Variants in ATP10B observed in about 807,000 individuals in gnomAD.
ATP10B encodes the protein ATPase phospholipid transporting 10B (putative), also known as phospholipid-transporting ATPase VB.
Under a neutral mutation model 141.2 loss-of-function variants are expected in ATP10B, and 122 were observed. The observed-to-expected ratio is 0.86, with a 90% CI of 0.75 to 1.00. The LOEUF (loss-of-function observed/expected upper bound fraction) is 1.00. Among genes scored for constraint, ATP10B ranks in the 50% least tolerant of loss-of-function variants. The pLI, the probability that ATP10B is intolerant of heterozygous loss-of-function variation, is 0.00. For synonymous variants in ATP10B, 685 were observed against 692.0 expected (o/e 0.99, Z 0.16); for missense variants, 1,876 against 1,825.3 (o/e 1.03, Z -0.51).
chr5:160,611,268 G>A (rs2127637439), intron 18 of ATP10B, among the ~76,000 whole-genome samples: 1 of 152,254 alleles, frequency 6.6e-6, no homozygotes, highest in South Asian at 2.1e-4. Context: ...TAACCAATGA[G>A]CAGGAGTGCA....
intron 7 of ATP10B, among the ~76,000 whole-genome samples, chr5:160,649,534 T>C (rs1478994502): frequency 6.6e-6 from 1 of 152,228 alleles, no homozygotes; most frequent in Non-Finnish European, 1.5e-5. Flanking sequence ...CCAGATCTAA[T>C]AGAACTTACT....
the ATP10B span, among the ~76,000 whole-genome samples, chr5:160,868,842 T>C: frequency 1.3e-5 from 2 of 152,256 alleles, no homozygotes; most frequent in East Asian, 3.9e-4. Flanking sequence ...GGGTCCTCAG[T>C]AGTGGACAAA....
intron 10 of ATP10B, among the ~76,000 whole-genome samples, chr5:160,640,058 A>T (rs2127673762): frequency 6.6e-6 from 1 of 152,112 alleles, no homozygotes; most frequent in Admixed American, 6.5e-5. Flanking sequence ...GGGGTTTGAG[A>T]CTCCTGCCTT....
intron 2 of ATP10B, among the ~76,000 whole-genome samples, chr5:160,759,345 A>G (rs1406100736): frequency 1.3e-5 from 2 of 152,234 alleles, no homozygotes; most frequent in Non-Finnish European, 2.9e-5. Flanking sequence ...TTGAATAACA[A>G]TTTAGTCCTT....
intron 20 of ATP10B, chr5:160,603,662 A>G (rs1757222422): frequency 5.4e-6 from 2 of 371,084 alleles, no homozygotes; most frequent in African/African-American, 4.0e-5. Flanking sequence ...AAGCAGTGCC[A>G]AATGTTTACA....
At chr5:160,606,500 G>A (rs910310528) in intron 19 of ATP10B, among the ~76,000 whole-genome samples, 1 of 152,180 alleles carries the variant, frequency 6.6e-6, no homozygotes, top group East Asian at 1.9e-4. Flanking sequence ...TGGATTCACT[G>A]AATTCAAGGC....
chr5:160,608,684 T>C (rs1239333928), intron 18 of ATP10B, among the ~76,000 whole-genome samples: 1 of 152,238 alleles, frequency 6.6e-6, no homozygotes, highest in East Asian at 1.9e-4. Flanking sequence ...TGGCCAGTGA[T>C]GATGAGCATT....
the ATP10B span, among the ~76,000 whole-genome samples, chr5:160,900,160 A>AGCCT: frequency 2.3e-4 from 35 of 152,156 alleles, no homozygotes; most frequent in African/African-American, 8.4e-4. Flanking sequence ...TCCATCTCCC[A>AGCCT]GCCTTCCCCC....
intron 2 of ATP10B, among the ~76,000 whole-genome samples, chr5:160,770,988 C>T (rs975815431): frequency 6.6e-6 from 1 of 152,168 alleles, no homozygotes; most frequent in Admixed American, 6.5e-5. Context: ...TCTCACCACC[C>T]TCAAAAGTGA....
intron 17 of ATP10B, 146 bp from the exon 18 acceptor site, chr5:160,613,071 T>C: frequency 1.4e-6 from 1 of 709,622 alleles, no homozygotes; most frequent in South Asian, 1.9e-5. Context: ...GTGAACTAGA[T>C]GGAGCAGGTC....
chr5:160,589,785 C>T, intron 23 of ATP10B, 89 bp from the exon 24 acceptor site: 1 of 961,352 alleles, frequency 1.0e-6, no homozygotes, highest in South Asian at 1.4e-5. Flanking sequence ...TCAATGAAGG[C>T]AGTTGTCAAT....
the ATP10B span, among the ~76,000 whole-genome samples, chr5:160,920,504 C>T: frequency 6.6e-6 from 1 of 152,224 alleles, no homozygotes; most frequent in African/African-American, 2.4e-5. Flanking sequence ...AAGCATGGGA[C>T]ATGCAAGGAT....
In ATP10B at chr5:160,565,663, A is replaced by G; in HGVS notation, c.4176T>C (p.His1392=). The change falls in exon 26 of 26, where the codon CAT becomes CAC. Residue 1392 remains histidine (H), a synonymous_variant. Coordinates refer to ENST00000327245, the MANE Select transcript of ATP10B (RefSeq NM_025153.3). ...PKSSNPPKRK[H]VEESVLHEQR... The stretch of plus-strand genomic sequence containing the variant: ...GTTCGTGGAGTACTGACTCTTCCAC[A>G]TGCTTCCTCTTGGGAGGGTTAGAGC... The G allele has an allele frequency of 6.2e-7, 1 of 1,613,984 alleles. No homozygotes were observed.
At chr5:160,755,190 T>C (rs187850658) in intron 2 of ATP10B, among the ~76,000 whole-genome samples, 70 of 152,230 alleles carry the variant, frequency 4.6e-4, no homozygotes, top group African/African-American at 1.6e-3. Context: ...CTTCTTCACA[T>C]GGTGGCAGAA....
chr5:160,901,163 G>A, the ATP10B span, among the ~76,000 whole-genome samples: 1 of 151,738 alleles, frequency 6.6e-6, no homozygotes, highest in Non-Finnish European at 1.5e-5. Context: ...CAAATATTGC[G>A]AACTTCACAC....
At chr5:160,598,408 G>C (rs974066828) in intron 22 of ATP10B, among the ~76,000 whole-genome samples, 5 of 151,844 alleles carry the variant, frequency 3.3e-5, no homozygotes, top group Admixed American at 2.6e-4. Flanking sequence ...GAGCAGGGAG[G>C]GATAGCATTA....
intron 24 of ATP10B, among the ~76,000 whole-genome samples, chr5:160,578,379 C>T (rs1451797913): frequency 6.6e-6 from 1 of 152,072 alleles, no homozygotes; most frequent in East Asian, 1.9e-4. Flanking sequence ...TGATGTTGCC[C>T]TCCCTGTGTC....
intron 16 of ATP10B, among the ~76,000 whole-genome samples, chr5:160,617,449 G>C (rs906715490): frequency 4.6e-5 from 7 of 152,182 alleles, no homozygotes; most frequent in Non-Finnish European, 8.8e-5. Context: ...TGCCATTCTA[G>C]AATGAAAACA....
chr5:160,888,976 A>G, the ATP10B span, among the ~76,000 whole-genome samples: 1 of 152,222 alleles, frequency 6.6e-6, no homozygotes, highest in Non-Finnish European at 1.5e-5. Flanking sequence ...ATAAACTCAC[A>G]TTGTTAATGT....
Sources: gnomAD v4.1 joint callset for allele counts (sites outside exome capture counted in the v4.1 genomes callset) on GRCh38, gnomAD v4.1.1 for gene constraint, MANE v1.5 for transcripts, NCBI Gene and HGNC (gene_info 2026-07-23, HGNC 2026-07-21) for gene names.